Variants in REL observed in about 807,000 individuals in gnomAD.
REL encodes the protein REL proto-oncogene, NF-kB subunit.
A neutral mutation model predicts 45.9 loss-of-function variants in REL; 15 were observed. The observed-to-expected ratio is 0.33, with a 90% CI of 0.22 to 0.50. The LOEUF (loss-of-function observed/expected upper bound fraction) is 0.50, where lower values mean the gene tolerates loss of function less well. REL is among the 20% of genes least tolerant of loss of function. REL has a pLI of 0.98. For synonymous variants in REL, 239 were observed against 242.1 expected, an observed-to-expected ratio of 0.99 and a Z score of 0.12; for missense variants, 601 against 715.2, an observed-to-expected ratio of 0.84 and a Z score of 1.82.
chr2:60,897,079 C>T, intron 3 of REL, among the ~76,000 whole-genome samples: 2 of 152,220 alleles, frequency 1.3e-5, no homozygotes, highest in South Asian at 4.1e-4. Context: ...TTCCCTTCCT[C>T]TCTTTCTCCA....
chr2:60,910,515 CAGG>C (rs1334382390), intron 4 of REL, among the ~76,000 whole-genome samples: 2 of 148,032 alleles, frequency 1.4e-5, no homozygotes, highest in African/African-American at 2.5e-5. Context: ...GGAAGGAGAA[CAGG>C]AGAACAGTTA....
chr2:60,912,670 A>G (rs542125908), intron 4 of REL, among the ~76,000 whole-genome samples: 26 of 152,164 alleles, frequency 1.7e-4, no homozygotes, highest in African/African-American at 5.1e-4. Context: ...TCTAAGCTAT[A>G]AAAGACAAAA....
intron 3 of REL, among the ~76,000 whole-genome samples, chr2:60,897,302 TCTTTTTTTTTTTC>T (rs1020757569): frequency 2.8e-5 from 4 of 142,064 alleles, no homozygotes; most frequent in African/African-American, 1.0e-4. Context: ...TTTTCTTTTT[TCTTTTTTTTTTTC>T]CTTTTTTTTT....
intron 4 of REL, among the ~76,000 whole-genome samples, chr2:60,909,746 C>CA (rs1673759280): frequency 6.6e-6 from 1 of 152,046 alleles, no homozygotes; most frequent in Admixed American, 6.6e-5. Context: ...ACTAAAAATA[C>CA]AAAAATTAGC....
chr2:60,905,809 A>G (rs1261834154), intron 4 of REL, among the ~76,000 whole-genome samples: 1 of 152,136 alleles, frequency 6.6e-6, no homozygotes, highest in Non-Finnish European at 1.5e-5. Flanking sequence ...CATTTTAACA[A>G]ACATCTAGAT....
rs150568901 is a variant in REL at position 60,884,362 on chromosome 2, AAT to A, written c.10+2515_10+2516del. On this transcript the variant is annotated intron_variant, in intron 1 of 9. Coordinates refer to ENST00000394479, the MANE Select transcript of REL (RefSeq NM_001291746.2). Reference sequence around the variant, plus strand: ...GAATGTAGTTTAAAATCATGTATATAATATGATTCTAAATTTTGTTTAGATAA... The same window carrying A: ...GAATGTAGTTTAAAATCATGTATATAATGATTCTAAATTTTGTTTAGATAA... Among the ~76,000 whole-genome samples, 1,122 of 152,182 alleles carry A rather than the reference AAT, an allele frequency of 7.4e-3. 6 individuals carry two copies. Among genetic ancestry groups the A allele is most frequent in the Non-Finnish European group, 0.011 (772 of 67,922 alleles).
intron 4 of REL, among the ~76,000 whole-genome samples, chr2:60,906,091 A>G (rs904287108): frequency 6.6e-6 from 1 of 152,188 alleles, no homozygotes. Context: ...GGAAAATGCA[A>G]AAGCGGAAAT....
chr2:60,898,260 T>G (rs1573322367), intron 3 of REL, among the ~76,000 whole-genome samples: 1 of 152,268 alleles, frequency 6.6e-6, no homozygotes, highest in Non-Finnish European at 1.5e-5. Context: ...TTTCCCTTGC[T>G]TAAAACATTT....
At chr2:60,893,925 G>C (rs1673284638) in intron 2 of REL, among the ~76,000 whole-genome samples, 1 of 152,084 alleles carries the variant, frequency 6.6e-6, no homozygotes, top group South Asian at 2.1e-4. Flanking sequence ...GTAAACACTT[G>C]GGGTATGCTT....
At chr2:60,897,557 C>G (rs1673382945) in intron 3 of REL, among the ~76,000 whole-genome samples, 2 of 152,164 alleles carry the variant, frequency 1.3e-5, no homozygotes, top group Admixed American at 6.5e-5. Context: ...ATCCTCCTGC[C>G]TCAGCCTCCC....
At chr2:60,891,585 T>A in intron 1 of REL, 98 bp from the exon 2 acceptor site, 1 of 1,066,050 alleles carries the variant, frequency 9.4e-7, no homozygotes, top group Non-Finnish European at 1.3e-6. Flanking sequence ...AAAAAATCTT[T>A]GTTTTAGTCT....
At chr2:60,898,400 C>G (rs976895372) in intron 3 of REL, among the ~76,000 whole-genome samples, 15 of 152,218 alleles carry the variant, frequency 9.9e-5, no homozygotes. Flanking sequence ...ACTCCACTCA[C>G]AATGCCTTCC....
In REL at chr2:60,920,999, CT is replaced by C. The variant is rs955665257; in HGVS notation, c.991+368del. Reference sequence around the variant, plus strand: ...TTGATTAAATATTATCTCTAAACTGCTTTTTTTTTTTAACACTATGGCAACA... The same window carrying C: ...TTGATTAAATATTATCTCTAAACTGCTTTTTTTTTTAACACTATGGCAACA... On this transcript the variant is annotated intron_variant, in intron 9 of 9. Coordinates refer to ENST00000394479, the MANE Select transcript of REL (RefSeq NM_001291746.2). Among the ~76,000 whole-genome samples the C allele has an allele frequency of 1.3e-3, 187 of 144,372 alleles. No individual in the cohort carries two copies. The Middle Eastern group carries it at 0.018, about 14-fold the overall frequency. 94.7% of individuals were successfully genotyped at this position (144,372 alleles called of 152,430 possible).
At chr2:60,897,231 C>T (rs1367997964) in intron 3 of REL, among the ~76,000 whole-genome samples, 1 of 151,754 alleles carries the variant, frequency 6.6e-6, no homozygotes, top group Non-Finnish European at 1.5e-5. Context: ...TTTGATATGC[C>T]GTCATCTTTC....
chr2:60,929,554 A>G lies in REL; in HGVS notation c.*7019A>G, dbSNP rs1674342451. 6.6e-6 allele frequency: 1 copy of G among 151,754 alleles called. No homozygotes were observed. 9.4% of individuals were successfully genotyped at this position (151,754 alleles called of 1,614,324 possible). ...GATGAAATTGGAAAACATCATTCTC[A>G]GTAAACTATCGCAAGAACAAGAAAC... On this transcript the variant is annotated 3_prime_UTR_variant, in exon 10 of 10. Transcript: ENST00000394479.
At position 60,930,609 on chromosome 2, in the gene REL, G is replaced by T. The variant is rs185131017; in HGVS notation, c.*8074G>T. 7.9e-5 allele frequency: 12 copies of T among 152,408 alleles called. No individual in the cohort carries two copies. In the East Asian group the frequency reaches 1.9e-3, roughly 24 times the overall value. The allele number at this position is 152,408 out of a possible 1,614,324, so 9.4% of individuals were successfully genotyped here. On this transcript the variant is annotated 3_prime_UTR_variant, in exon 10 of 10. Transcript: ENST00000394479. ...AGGATTGAATCTTGAAAGTAATCAT[G>T]TCTGTAATGTTTTTCATGCATGCAA...
At chr2:60,888,784 T>A (rs1398239493) in intron 1 of REL, among the ~76,000 whole-genome samples, 1 of 152,214 alleles carries the variant, frequency 6.6e-6, no homozygotes, top group Non-Finnish European at 1.5e-5. Context: ...AATGATTCTT[T>A]AATTTCTGAG....
At chr2:60,910,324 G>A (rs1403392270) in intron 4 of REL, among the ~76,000 whole-genome samples, 1 of 151,786 alleles carries the variant, frequency 6.6e-6, no homozygotes, top group African/African-American at 2.4e-5. Flanking sequence ...AATTAGCCGG[G>A]CATGGTGGCG....
rs138555578 is a variant in REL, at chr2:60,913,669, G to A, written c.395-3208G>A. ...CTTCTTAACCATCTCTTAGAAAATTGTCAGGCTATATTCAGATAAAAGTGG... is the reference window on the plus strand; with the variant it reads ...CTTCTTAACCATCTCTTAGAAAATTATCAGGCTATATTCAGATAAAAGTGG... On this transcript the variant is annotated intron_variant, in intron 4 of 9. Transcript: ENST00000394479. 2.5e-3 allele frequency among the ~76,000 whole-genome samples: 383 copies of A among 152,190 alleles called. 1 individual carries two copies. The highest frequency in any genetic ancestry group is 6.8e-3 in the Middle Eastern group (2 of 294).
Sources: gnomAD v4.1 joint callset for allele counts (sites outside exome capture counted in the v4.1 genomes callset) on GRCh38, gnomAD v4.1.1 for gene constraint, MANE v1.5 for transcripts, NCBI Gene and HGNC (gene_info 2026-07-23, HGNC 2026-07-21) for gene names.